Variants in RUNX2 observed in about 807,000 individuals in gnomAD.
The protein encoded by RUNX2 is RUNX family transcription factor 2, also known as runt-related transcription factor 2.
A neutral mutation model predicts 51.7 loss-of-function variants in RUNX2; 10 were observed. That is an observed-to-expected ratio of 0.19 (90% CI 0.12 to 0.33). The LOEUF (loss-of-function observed/expected upper bound fraction) is 0.33. Ranked by LOEUF, RUNX2 falls within the 10% of genes least tolerant of loss-of-function variation. The pLI is 1.00. For synonymous variants in RUNX2, 276 were observed against 273.6 expected, an observed-to-expected ratio of 1.01 and a Z score of -0.09; for missense variants, 562 against 691.3, an observed-to-expected ratio of 0.81 and a Z score of 2.10.
At chr6:45,489,416 A>G (rs1191081809) in intron 5 of RUNX2, among the ~76,000 whole-genome samples, 1 of 152,230 alleles carries the variant, frequency 6.6e-6, no homozygotes, top group African/African-American at 2.4e-5. Flanking sequence ...ACACATGTAC[A>G]GTCTGAGCTC....
intron 2 of RUNX2, among the ~76,000 whole-genome samples, chr6:45,402,266 C>A (rs1375315224): frequency 6.6e-6 from 1 of 152,164 alleles, no homozygotes. Context: ...TAGCAACTGG[C>A]AAATTTTGCA....
At chr6:45,367,708 A>G (rs1795383137) in intron 2 of RUNX2, among the ~76,000 whole-genome samples, 1 of 152,172 alleles carries the variant, frequency 6.6e-6, no homozygotes, top group Non-Finnish European at 1.5e-5. Context: ...GATTTGACAG[A>G]CATGCCATTC....
At chr6:45,522,870 T>C (rs1314630805) in intron 7 of RUNX2, among the ~76,000 whole-genome samples, 1 of 152,238 alleles carries the variant, frequency 6.6e-6, no homozygotes, top group Non-Finnish European at 1.5e-5. Flanking sequence ...GAAGTAAGAT[T>C]CTATAGGAGA....
intron 7 of RUNX2, among the ~76,000 whole-genome samples, chr6:45,533,563 C>T (rs1373013613): frequency 1.3e-5 from 2 of 152,176 alleles, no homozygotes; most frequent in African/African-American, 4.8e-5. Flanking sequence ...GTGTGCAGGG[C>T]TTGAGTGGAA....
At chr6:45,405,500 T>G (rs1797813744) in intron 2 of RUNX2, among the ~76,000 whole-genome samples, 2 of 152,132 alleles carry the variant, frequency 1.3e-5, no homozygotes. Flanking sequence ...AAAAATCAAC[T>G]ATGGTAGGCT....
chr6:45,439,655 G>T (rs559774289), intron 5 of RUNX2, among the ~76,000 whole-genome samples: 1 of 152,016 alleles, frequency 6.6e-6, no homozygotes, highest in East Asian at 1.9e-4. Context: ...AACCATTTGC[G>T]TGTGTTTGTG....
intron 5 of RUNX2, among the ~76,000 whole-genome samples, chr6:45,445,901 G>A (rs958413350): frequency 3.3e-5 from 5 of 152,136 alleles, no homozygotes; most frequent in Non-Finnish European, 7.4e-5. Flanking sequence ...GAGAAGACCA[G>A]TTTTAAATAT....
chr6:45,359,398 T>C (rs1285313986), intron 2 of RUNX2, among the ~76,000 whole-genome samples: 6 of 152,186 alleles, frequency 3.9e-5, no homozygotes. Flanking sequence ...TATTCCTAAT[T>C]ACTATTATAG....
intron 5 of RUNX2, among the ~76,000 whole-genome samples, chr6:45,470,622 C>T (rs1799770467): frequency 6.6e-6 from 1 of 152,122 alleles, no homozygotes; most frequent in Admixed American, 6.6e-5. Context: ...CCATGTGAGT[C>T]CAAGATTGTC....
At position 45,550,861 on chromosome 6, in the gene RUNX2, A is replaced by C. The variant is rs1802544657; in HGVS notation, c.*3556A>C. Reference sequence around the variant, plus strand: ...ACAAGCTTTCATTTTTATTTTTTCCAATTGCTATTGCCCAAGAATTGCTTT... The same window carrying C: ...ACAAGCTTTCATTTTTATTTTTTCCCATTGCTATTGCCCAAGAATTGCTTT... On this transcript the variant is annotated 3_prime_UTR_variant, in exon 9 of 9. Transcript: ENST00000647337. 6.6e-6 allele frequency: 1 copy of C among 152,550 alleles called. No individual in the cohort carries two copies. The highest frequency in any genetic ancestry group is 2.4e-5 in the African/African-American group (1 of 41,412). 9.4% of individuals were successfully genotyped at this position (152,550 alleles called of 1,614,324 possible).
At chr6:45,396,107 A>G (rs1797575531) in intron 2 of RUNX2, among the ~76,000 whole-genome samples, 2 of 152,360 alleles carry the variant, frequency 1.3e-5, no homozygotes, top group African/African-American at 4.8e-5. Context: ...AAGCTTTAGT[A>G]TAAAAAACTC....
rs141079164 is a variant in RUNX2 at position 45,539,622 on chromosome 6, T to G, written c.1022-5595T>G. On this transcript the variant is annotated intron_variant, in intron 7 of 8. Coordinates refer to ENST00000647337, the MANE Select transcript of RUNX2 (RefSeq NM_001024630.4). ...GAAAATTGGTCCCTTAGAACCTCAG[T>G]GTGGAAAATGCAAAGTAATATTTTG... Among the ~76,000 whole-genome samples, 32 of 152,330 alleles carry G rather than the reference T, an allele frequency of 2.1e-4. No homozygotes were observed. The East Asian group carries it at 3.9e-3, about 18-fold the overall frequency.
chr6:45,346,739 A>G (rs1562994325), intron 2 of RUNX2, among the ~76,000 whole-genome samples: 1 of 151,560 alleles, frequency 6.6e-6, no homozygotes, highest in Admixed American at 6.6e-5. Flanking sequence ...TAATTTTTAT[A>G]TTTTTTTAGT....
rs143223149 is a variant in RUNX2 at position 45,331,104 on chromosome 6, G to GGTGTGTGTGT, written c.58+2334_58+2343dup. On this transcript the variant is annotated intron_variant, in intron 2 of 8. Transcript: ENST00000647337. ...CTGCTTCACCTCAAATACAATGAGT[G>GGTGTGTGTGT]GTGTGTGTGTGTGTGTGTGTGTGCG... Among the ~76,000 whole-genome samples the GGTGTGTGTGT allele has an allele frequency of 5.6e-4, 84 of 149,718 alleles. 1 individual carries two copies. The highest frequency in any genetic ancestry group is 1.7e-3 in the African/African-American group (68 of 40,580).
intron 2 of RUNX2, among the ~76,000 whole-genome samples, chr6:45,373,905 A>C (rs903775174): frequency 6.6e-6 from 1 of 152,232 alleles, no homozygotes; most frequent in Non-Finnish European, 1.5e-5. Context: ...AATAGTGCCT[A>C]TTATACACTA....
chr6:45,364,941 T>G (rs1031965101), intron 2 of RUNX2, among the ~76,000 whole-genome samples: 4 of 152,148 alleles, frequency 2.6e-5, no homozygotes, highest in Non-Finnish European at 5.9e-5. Flanking sequence ...ATTAGAGCAA[T>G]TGTGTCCACC....
intron 5 of RUNX2, among the ~76,000 whole-genome samples, chr6:45,471,717 G>A (rs888693650): frequency 1.3e-5 from 2 of 152,164 alleles, no homozygotes; most frequent in Non-Finnish European, 2.9e-5. Flanking sequence ...GATTACAGGC[G>A]TGAGCCACCG....
chr6:45,352,431 A>C (rs1792265200), intron 2 of RUNX2, among the ~76,000 whole-genome samples: 1 of 152,174 alleles, frequency 6.6e-6, no homozygotes, highest in Non-Finnish European at 1.5e-5. Context: ...ACTGTTGTAG[A>C]CTGGAAGCAA....
intron 3 of RUNX2, among the ~76,000 whole-genome samples, chr6:45,424,478 G>A (rs1313888554): frequency 2.0e-5 from 3 of 152,174 alleles, no homozygotes. Context: ...TTGAGTAGGT[G>A]GGCCTGGGTC....
Sources: allele counts gnomAD v4.1 joint callset (sites outside exome capture counted in the v4.1 genomes callset), GRCh38; gene constraint gnomAD v4.1.1; transcripts MANE v1.5; gene names NCBI Gene and HGNC (gene_info 2026-07-23, HGNC 2026-07-21).